PANK1: variants seen among roughly 807,000 people sequenced by gnomAD.
PANK1 encodes pantothenic acid kinase 1.
PANK1 carries 18 observed loss-of-function variants against 40.1 expected under a neutral mutation model. The ratio of observed to expected loss-of-function variants is 0.45; its 90% confidence interval spans 0.31 to 0.67. The LOEUF is 0.67. PANK1 is among the 30% of genes least tolerant of loss of function. The pLI, the probability that PANK1 is intolerant of heterozygous loss-of-function variation, is 0.06. For missense variants in PANK1, 457 were observed against 599.6 expected (o/e 0.76, Z 2.48); for synonymous variants, 242 against 237.7 (o/e 1.02, Z -0.17).
chr10:89,636,867 CT>C (rs1251842783), intron 1 of PANK1, among the ~76,000 whole-genome samples: 3,407 of 142,964 alleles, frequency 0.024, 124 homozygotes, highest in African/African-American at 0.079. Context: ...GAGCACCCCT[CT>C]TTTTTTTTTT....
At chr10:89,628,555 A>T (rs1482672757) in intron 1 of PANK1, among the ~76,000 whole-genome samples, 1 of 152,152 alleles carries the variant, frequency 6.6e-6, no homozygotes, top group Non-Finnish European at 1.5e-5. Context: ...ACTGCTAATA[A>T]TTTTCTGGGA....
chr10:89,629,375 G>A (rs187666314), intron 1 of PANK1, among the ~76,000 whole-genome samples: 184 of 152,302 alleles, frequency 1.2e-3, no homozygotes, highest in African/African-American at 4.3e-3. Flanking sequence ...GGCACAGCTA[G>A]ATGTAATATC....
chr10:89,612,167 A>G (rs931856436), intron 1 of PANK1, 119 bp from the exon 2 acceptor site: 10 of 837,050 alleles, frequency 1.2e-5, no homozygotes, highest in South Asian at 3.6e-5. Context: ...TTAACATTCA[A>G]TTTATTTGAA....
chr10:89,587,030 C>T (rs546472012), intron 6 of PANK1, among the ~76,000 whole-genome samples: 16 of 151,734 alleles, frequency 1.1e-4, no homozygotes, highest in South Asian at 4.2e-4. Context: ...GGCTGAGGCT[C>T]GAGAATTGCT....
chr10:89,587,810 A>G (rs1470980433), intron 6 of PANK1, among the ~76,000 whole-genome samples: 5 of 152,216 alleles, frequency 3.3e-5, no homozygotes, highest in Non-Finnish European at 7.3e-5. Flanking sequence ...GTTATTATAA[A>G]TTGACAACTT....
At chr10:89,593,447 G>T (rs2133930722) in intron 4 of PANK1, 127 bp from the exon 5 acceptor site, 1 of 1,062,790 alleles carries the variant, frequency 9.4e-7, no homozygotes, top group Non-Finnish European at 1.4e-6. Context: ...TTGCTACTAT[G>T]GTTTATAAGC....
At chr10:89,587,162 A>C (rs1053339430) in intron 6 of PANK1, among the ~76,000 whole-genome samples, 2 of 152,062 alleles carry the variant, frequency 1.3e-5, no homozygotes, top group South Asian at 4.2e-4. Context: ...CTCTGAATTT[A>C]CTGACACTCT....
At chr10:89,618,244 T>A (rs1845379309) in intron 1 of PANK1, among the ~76,000 whole-genome samples, 1 of 152,182 alleles carries the variant, frequency 6.6e-6, no homozygotes, top group Non-Finnish European at 1.5e-5. Flanking sequence ...TATCTCCCAT[T>A]CACCCCCTTT....
chr10:89,587,572 AG>A (rs35230694), intron 6 of PANK1, among the ~76,000 whole-genome samples: 22,147 of 152,222 alleles, frequency 0.15, 2,162 homozygotes, highest in East Asian at 0.44. Context: ...ATCCACTTTA[AG>A]GAAACAAACT....
intron 1 of PANK1, among the ~76,000 whole-genome samples, chr10:89,623,446 G>C (rs549798763): frequency 6.6e-6 from 1 of 151,676 alleles, no homozygotes; most frequent in South Asian, 2.1e-4. Flanking sequence ...GGATGGTCTC[G>C]ATCTTCTGAC....
intron 2 of PANK1, among the ~76,000 whole-genome samples, chr10:89,604,190 C>A (rs1203519489): frequency 7.9e-5 from 12 of 152,092 alleles, no homozygotes; most frequent in Non-Finnish European, 1.6e-4. Flanking sequence ...CCTATTTGTT[C>A]AAAGGGTAGG....
chr10:89,592,945 T>C (rs1316457602), intron 5 of PANK1: 1 of 537,294 alleles, frequency 1.9e-6, no homozygotes, highest in Non-Finnish European at 3.5e-6. Context: ...GACTATGACA[T>C]GGGTTGTAAT....
intron 1 of PANK1, among the ~76,000 whole-genome samples, chr10:89,628,842 C>G (rs10159610): frequency 0.46 from 70,656 of 152,002 alleles, 16,508 homozygotes; most frequent in South Asian, 0.54. Context: ...AGTCAAATGA[C>G]AATCAATTAT....
intron 6 of PANK1, among the ~76,000 whole-genome samples, chr10:89,584,888 C>T (rs761062937): frequency 1.3e-5 from 2 of 152,130 alleles, no homozygotes; most frequent in Non-Finnish European, 2.9e-5. Context: ...GAGAGAAAAC[C>T]CTAAACTTCC....
At position 89,629,454 on chromosome 10, in the gene PANK1, G is replaced by A. The variant is rs1466852179; in HGVS notation, c.292+15146C>T. Among the ~76,000 whole-genome samples, 6 of 152,190 alleles carry A rather than the reference G, an allele frequency of 3.9e-5. No individual in the cohort carries two copies. The South Asian group carries it at 1.2e-3, about 32-fold the overall frequency. On this transcript the variant is annotated intron_variant, in intron 1 of 6. Transcript: ENST00000307534. ...ACATTCAAAATATTTTATTCGCCTGGGATCATTTAGTTTTGGGGCATAGTG... is the reference window on the plus strand; with the variant it reads ...ACATTCAAAATATTTTATTCGCCTGAGATCATTTAGTTTTGGGGCATAGTG...
chr10:89,592,584 G>C (rs1844430122), intron 5 of PANK1, among the ~76,000 whole-genome samples: 1 of 152,146 alleles, frequency 6.6e-6, no homozygotes, highest in African/African-American at 2.4e-5. Flanking sequence ...ATATACCTCA[G>C]TGTGAAGAGT....
At chr10:89,619,507 T>C (rs1329126787) in intron 1 of PANK1, among the ~76,000 whole-genome samples, 2 of 152,208 alleles carry the variant, frequency 1.3e-5, no homozygotes, top group Non-Finnish European at 2.9e-5. Flanking sequence ...TCTGAGTTTC[T>C]CTATAACCAG....
rs1190210544 is a variant in PANK1 at position 89,601,804 on chromosome 10, GA to G, written c.646-2300del. ...ATGTATGTAATTATACATGTTTTAA[GA>G]AGCAAAATTACAGGTATAAAACTAT... On this transcript the variant is annotated intron_variant, in intron 2 of 6. Transcript: ENST00000307534. 1.6e-4 allele frequency among the ~76,000 whole-genome samples: 24 copies of G among 152,152 alleles called. No individual in the cohort carries two copies. The East Asian group carries it at 3.3e-3, about 21-fold the overall frequency.
chr10:89,581,106 A>G (rs1844043033), downstream of PANK1: 1 of 151,034 alleles, frequency 6.6e-6, no homozygotes, highest in Non-Finnish European at 1.5e-5. Context: ...TGTGAATGTG[A>G]ATGAATAAAT....
Sources: gnomAD v4.1 joint callset for allele counts (sites outside exome capture counted in the v4.1 genomes callset) on GRCh38, gnomAD v4.1.1 for gene constraint, MANE v1.5 for transcripts, NCBI Gene and HGNC (gene_info 2026-07-23, HGNC 2026-07-21) for gene names.